Variants in UNC5D observed in about 807,000 individuals in gnomAD.
UNC5D encodes netrin receptor UNC5D.
A neutral mutation model predicts 105.4 loss-of-function variants in UNC5D; 39 were observed. The ratio of observed to expected loss-of-function variants is 0.37; its 90% CI spans 0.29 to 0.48. The LOEUF (loss-of-function observed/expected upper bound fraction) is 0.48, where lower values mean the gene tolerates loss of function less well. Ranked by LOEUF, UNC5D falls within the 20% of genes least tolerant of loss-of-function variation. The pLI is 0.98. For synonymous variants in UNC5D, 452 were observed against 450.4 expected, an observed-to-expected ratio of 1.00 and a Z score of -0.04; for missense variants, 991 against 1,202.4, an observed-to-expected ratio of 0.82 and a Z score of 2.60.
intron 11 of UNC5D, among the ~76,000 whole-genome samples, chr8:35,739,909 A>G (rs1055939084): frequency 1.4e-4 from 21 of 152,218 alleles, no homozygotes; most frequent in Admixed American, 1.2e-3. Context: ...TGGACAATCA[A>G]CCTTCTATTC....
At chr8:35,426,071 G>A (rs1228118160) in intron 1 of UNC5D, among the ~76,000 whole-genome samples, 1 of 152,010 alleles carries the variant, frequency 6.6e-6, no homozygotes, top group East Asian at 1.9e-4. Flanking sequence ...TTTCTCCTTT[G>A]TTGAAACCAA....
intron 1 of UNC5D, among the ~76,000 whole-genome samples, chr8:35,522,252 T>C (rs1052117738): frequency 1.3e-5 from 2 of 152,242 alleles, no homozygotes; most frequent in African/African-American, 4.8e-5. Context: ...GTCTAAAATC[T>C]GATTTGGGGA....
chr8:35,318,979 A>G (rs1329257307), intron 1 of UNC5D, among the ~76,000 whole-genome samples: 1 of 152,118 alleles, frequency 6.6e-6, no homozygotes, highest in Non-Finnish European at 1.5e-5. Context: ...AATCTTAGAG[A>G]AGGACCTCAC....
intron 4 of UNC5D, among the ~76,000 whole-genome samples, chr8:35,623,027 G>C (rs543890795): frequency 1.8e-4 from 27 of 152,266 alleles, no homozygotes; most frequent in African/African-American, 6.3e-4. Context: ...TTTTGTCATT[G>C]CAAGTGCTCT....
rs1461645447 is a variant in UNC5D, at chr8:35,716,693, A to G, written c.1118-5517A>G. Among the ~76,000 whole-genome samples, 4 of 152,228 alleles carry G rather than the reference A, an allele frequency of 2.6e-5. No homozygotes were observed. The East Asian group carries it at 7.7e-4, about 29-fold the overall frequency. On this transcript the variant is annotated intron_variant, in intron 8 of 16. Coordinates refer to ENST00000404895, the MANE Select transcript of UNC5D (RefSeq NM_080872.4). ...TTACAACAGTAAAACAATAACTACA[A>G]TAGCAAATTGAGATTTTCGAGGTTG...
intron 1 of UNC5D, among the ~76,000 whole-genome samples, chr8:35,316,941 T>C (rs1809351965): frequency 6.6e-6 from 1 of 152,120 alleles, no homozygotes; most frequent in Non-Finnish European, 1.5e-5. Context: ...ATGAAAGAAA[T>C]GAAGTCATTT....
chr8:35,536,991 A>C (rs752147174), intron 1 of UNC5D, among the ~76,000 whole-genome samples: 1 of 149,108 alleles, frequency 6.7e-6, no homozygotes, highest in Admixed American at 6.9e-5. Context: ...GCGAGACTCT[A>C]TCTCTAAACA....
intron 1 of UNC5D, among the ~76,000 whole-genome samples, chr8:35,480,630 T>G (rs1161595607): frequency 6.6e-6 from 1 of 152,238 alleles, no homozygotes; most frequent in Admixed American, 6.5e-5. Flanking sequence ...GTTTTTAGGA[T>G]ATATCTACAA....
chr8:35,612,723 C>CTTTTTTTTTT (rs57450378), intron 4 of UNC5D, among the ~76,000 whole-genome samples: 95 of 64,760 alleles, frequency 1.5e-3, no homozygotes, highest in Middle Eastern at 0.019. Context: ...AATGTTTTGC[C>CTTTTTTTTTT]TTTTTTTTTT....
At chr8:35,734,782 A>G (rs964831046) in intron 11 of UNC5D, among the ~76,000 whole-genome samples, 1 of 126,724 alleles carries the variant, frequency 7.9e-6, no homozygotes, top group Non-Finnish European at 1.6e-5. Context: ...CACACTTTAA[A>G]TTTTTTTTTT....
At chr8:35,346,506 G>A (rs1811814402) in intron 1 of UNC5D, among the ~76,000 whole-genome samples, 1 of 151,878 alleles carries the variant, frequency 6.6e-6, no homozygotes, top group South Asian at 2.1e-4. Flanking sequence ...AAAAGAAAAT[G>A]GAGGGGTAAT....
At chr8:35,411,159 A>G (rs1385278718) in intron 1 of UNC5D, among the ~76,000 whole-genome samples, 1 of 152,032 alleles carries the variant, frequency 6.6e-6, no homozygotes, top group African/African-American at 2.4e-5. Context: ...GGACAGTGCT[A>G]TTCTAGCGAC....
Position 35,330,800 on chromosome 8 carries a change from G to A in UNC5D, c.103+94913G>A, listed in dbSNP as rs536468646. On this transcript the variant is annotated intron_variant, in intron 1 of 16. Transcript: ENST00000404895. ...GAACCATGACAGGCCTCCTTAATGC[G>A]CGGATGCTTTGGCTTTCGAGTGTAT... 2.6e-5 allele frequency among the ~76,000 whole-genome samples: 4 copies of A among 152,226 alleles called. No individual in the cohort carries two copies. In the East Asian group the frequency reaches 5.8e-4, roughly 22 times the overall value.
intron 1 of UNC5D, among the ~76,000 whole-genome samples, chr8:35,336,897 A>T (rs926666997): frequency 1.3e-5 from 2 of 151,542 alleles, no homozygotes; most frequent in Non-Finnish European, 2.9e-5. Flanking sequence ...ACCTGCTTTC[A>T]GTCTTTTCCA....
chr8:35,431,464 C>T (rs1806629937), intron 1 of UNC5D, among the ~76,000 whole-genome samples: 1 of 151,922 alleles, frequency 6.6e-6, no homozygotes, highest in South Asian at 2.1e-4. Context: ...TGATCTTTAC[C>T]ATTATTTTCA....
intron 7 of UNC5D, among the ~76,000 whole-genome samples, chr8:35,697,181 G>C (rs1176056126): frequency 6.6e-6 from 1 of 151,328 alleles, no homozygotes; most frequent in Non-Finnish European, 1.5e-5. Context: ...CATTAAAATA[G>C]ATACACATAT....
intron 1 of UNC5D, among the ~76,000 whole-genome samples, chr8:35,285,048 T>C (rs1436005232): frequency 6.6e-6 from 1 of 152,208 alleles, no homozygotes; most frequent in Non-Finnish European, 1.5e-5. Flanking sequence ...AATACCTAAA[T>C]GATACACTCA....
At chr8:35,407,856 C>T (rs1390618437) in intron 1 of UNC5D, among the ~76,000 whole-genome samples, 6 of 152,082 alleles carry the variant, frequency 3.9e-5, no homozygotes, top group South Asian at 2.1e-4. Flanking sequence ...CATTTCCCTG[C>T]AATGACATGA....
At chr8:35,513,223 C>CTT (rs35988823) in intron 1 of UNC5D, among the ~76,000 whole-genome samples, 142 of 134,124 alleles carry the variant, frequency 1.1e-3, no homozygotes, top group African/African-American at 2.9e-3. Flanking sequence ...TTGGACCCTC[C>CTT]TTTTTTTTTT....
Sources: allele counts gnomAD v4.1 joint callset (sites outside exome capture counted in the v4.1 genomes callset), GRCh38; gene constraint gnomAD v4.1.1; transcripts MANE v1.5; gene names NCBI Gene and HGNC (gene_info 2026-07-23, HGNC 2026-07-21).